Variants in CNTRL observed in about 807,000 individuals in gnomAD.
The protein encoded by CNTRL is 110 kDa centrosomal protein.
Under a neutral mutation model 303.7 loss-of-function variants are expected in CNTRL, and 233 were observed. The observed-to-expected ratio is 0.77, with a 90% CI of 0.69 to 0.86. The LOEUF (loss-of-function observed/expected upper bound fraction) is 0.86, where lower values mean the gene tolerates loss of function less well. Among genes scored for constraint, CNTRL ranks in the 40% least tolerant of loss-of-function variants. The probability of loss-of-function intolerance (pLI) is 0.00; values close to 1 mark genes in which losing one functional copy is unlikely to be tolerated. For synonymous variants in CNTRL, 900 were observed against 922.2 expected (o/e 0.98, Z 0.44); for missense variants, 2,524 against 2,650.6 (o/e 0.95, Z 1.05).
At chr9:121,137,086 C>T (rs1187270412) in intron 15 of CNTRL, among the ~76,000 whole-genome samples, 2 of 151,968 alleles carry the variant, frequency 1.3e-5, no homozygotes, top group Non-Finnish European at 2.9e-5. Context: ...ATGCCAGGAG[C>T]AGGGAGAGGA....
chr9:121,115,090 G>A lies in CNTRL; in HGVS notation c.1346-1G>A. The A allele has an allele frequency of 6.4e-7, 1 of 1,573,750 alleles. No individual in the cohort carries two copies. On this transcript the variant is annotated splice_acceptor_variant, in intron 10 of 43. Coordinates refer to ENST00000373855, the MANE Select transcript of CNTRL (RefSeq NM_007018.6). LOFTEE classifies it high-confidence loss of function. ...TGTGAGCATGGTTTTTAAATTTGCAGCACAAACTCGACTATCAGAACTGCA... is the reference window on the plus strand; with the variant it reads ...TGTGAGCATGGTTTTTAAATTTGCAACACAAACTCGACTATCAGAACTGCA...
At chr9:121,169,557 G>C in intron 38 of CNTRL, 54 bp from the exon 39 acceptor site, 1 of 1,562,622 alleles carries the variant, frequency 6.4e-7, no homozygotes, top group South Asian at 1.1e-5. Context: ...GGGGAGCTCT[G>C]CCCACAGCTG....
In CNTRL at chr9:121,141,557, G is replaced by C; in HGVS notation, c.2660G>C (p.Arg887Thr). Residue 887 changes from arginine to threonine, a missense_variant, in exon 18 of 44, where the codon AGG (arginine) becomes ACG (threonine). Arg to Thr is a moderately conservative substitution (Grantham distance 71). Transcript: ENST00000373855. ...EKLATGQEEF[R>T]QACERALEAR... ...CTGGCAACTGGACAAGAAGAGTTCAGGCAGGCCTGTGAGAGAGCCCTGGAA... is the reference window on the plus strand; with the variant it reads ...CTGGCAACTGGACAAGAAGAGTTCACGCAGGCCTGTGAGAGAGCCCTGGAA... The C allele has an allele frequency of 6.2e-7, 1 of 1,614,108 alleles. No individual in the cohort carries two copies. Among genetic ancestry groups the C allele is most frequent in the South Asian group, 1.1e-5 (1 of 91,088 alleles).
chr9:121,151,469 C>T lies in CNTRL; in HGVS notation c.3963+986C>T, dbSNP rs2052254867. ...GCGGTGGCGTGATCTTGGCTCACTGCAACCTCCGCCTCCCGGGTTCAGGCA... is the reference window on the plus strand; with the variant it reads ...GCGGTGGCGTGATCTTGGCTCACTGTAACCTCCGCCTCCCGGGTTCAGGCA... On this transcript the variant is annotated intron_variant, in intron 25 of 43. Coordinates refer to ENST00000373855, the MANE Select transcript of CNTRL (RefSeq NM_007018.6). 2.9e-5 allele frequency among the ~76,000 whole-genome samples: 4 copies of T among 138,386 alleles called. No homozygotes were observed. The South Asian group carries it at 1.0e-3, about 35-fold the overall frequency. The allele number at this position is 138,386 out of a possible 152,430, so 90.8% of individuals were successfully genotyped here. A position where few individuals can be genotyped will look rare whatever the true frequency, so the allele number is the denominator to read the frequency against.
At chr9:121,124,165 A>T in intron 13 of CNTRL, 81 bp downstream of exon 13, 1 of 1,242,050 alleles carries the variant, frequency 8.1e-7, no homozygotes, top group South Asian at 1.7e-5. Flanking sequence ...ATTAATCCAG[A>T]TAGTAGCTAA....
Position 121,150,485 on chromosome 9 carries a change from TA to T in CNTRL, c.3963+4del. On this transcript the variant is annotated splice_donor_region_variant and intron_variant, in intron 25 of 43. Transcript: ENST00000373855. ...AACGTCCCTGAACACCATAACTTAG[TA>T]AGTGGAAAGACATACAACTCTCTTT... 6.2e-7 allele frequency: 1 copy of T among 1,613,586 alleles called. No homozygotes were observed. Among genetic ancestry groups the T allele is most frequent in the South Asian group, 1.1e-5 (1 of 91,064 alleles).
At chr9:121,079,928 A>G (rs928499833) in intron 1 of CNTRL, among the ~76,000 whole-genome samples, 2 of 151,976 alleles carry the variant, frequency 1.3e-5, no homozygotes, top group Non-Finnish European at 2.9e-5. Flanking sequence ...CAGGGGCACG[A>G]TCTTGGCTCA....
intron 14 of CNTRL, 52 bp downstream of exon 14, chr9:121,125,988 C>A: frequency 1.4e-6 from 2 of 1,451,448 alleles, no homozygotes; most frequent in African/African-American, 1.4e-5. Flanking sequence ...AGATAATGTC[C>A]AAATTAAGTT....
At chr9:121,127,854 C>G (rs1368630421) in intron 14 of CNTRL, among the ~76,000 whole-genome samples, 2 of 135,070 alleles carry the variant, frequency 1.5e-5, no homozygotes, top group Admixed American at 8.4e-5. Flanking sequence ...TCCAAGTGTT[C>G]TCATTATTCA....
At chr9:121,171,317 G>A in intron 39 of CNTRL, 91 bp from the exon 40 acceptor site, 1 of 1,402,190 alleles carries the variant, frequency 7.1e-7, no homozygotes, top group Non-Finnish European at 1.0e-6. Flanking sequence ...CCCAGAAGGG[G>A]AATGAAGTTA....
chr9:121,089,833 T>G (rs906014928), intron 3 of CNTRL, among the ~76,000 whole-genome samples: 4 of 152,170 alleles, frequency 2.6e-5, no homozygotes, highest in Non-Finnish European at 2.9e-5. Flanking sequence ...AAATGATTTT[T>G]TTTAGTAAGT....
At chr9:121,169,507 A>G (rs1010244638) in intron 38 of CNTRL, 104 bp from the exon 39 acceptor site, 27 of 1,092,444 alleles carry the variant, frequency 2.5e-5, no homozygotes, top group Admixed American at 2.5e-4. Flanking sequence ...AAGCACCTGC[A>G]TGGGTAGCAT....
intron 7 of CNTRL, among the ~76,000 whole-genome samples, chr9:121,103,851 G>A (rs989438236): frequency 2.6e-5 from 4 of 152,172 alleles, no homozygotes; most frequent in Non-Finnish European, 5.9e-5. Context: ...AGTTAGAATG[G>A]CAATCATTAA....
At chr9:121,173,836 T>C in intron 42 of CNTRL, 99 bp downstream of exon 42, 2 of 1,142,824 alleles carry the variant, frequency 1.8e-6, no homozygotes, top group Admixed American at 3.4e-5. Flanking sequence ...ACATCCATGC[T>C]GTTGCAGCCC....
In CNTRL at chr9:121,133,124, C is replaced by T. The variant is rs550144261; in HGVS notation, c.2026-2682C>T. Among the ~76,000 whole-genome samples the T allele has an allele frequency of 7.2e-5, 11 of 152,360 alleles. No individual in the cohort carries two copies. In the South Asian group the frequency reaches 8.3e-4, roughly 11 times the overall value. On this transcript the variant is annotated intron_variant, in intron 14 of 43. Coordinates refer to ENST00000373855, the MANE Select transcript of CNTRL (RefSeq NM_007018.6). ...GACCCACTTGAGGAGGCAGTCTGTC[C>T]GTTCTCTGAGCTCAAACACTGTGCT...
chr9:121,130,569 T>C (rs1220478750), intron 14 of CNTRL, among the ~76,000 whole-genome samples: 1 of 152,198 alleles, frequency 6.6e-6, no homozygotes, highest in Non-Finnish European at 1.5e-5. Flanking sequence ...TGTTGATCTT[T>C]TCAAAAAACC....
intron 7 of CNTRL, among the ~76,000 whole-genome samples, chr9:121,101,657 GACTA>G (rs2049174599): frequency 6.6e-6 from 1 of 151,960 alleles, no homozygotes; most frequent in South Asian, 2.1e-4. Context: ...CCCCTAGCAA[GACTA>G]ACAAAGAAGA....
intron 31 of CNTRL, 96 bp downstream of exon 31, chr9:121,159,115 AATTCCTGAAATC>A (rs2052730007): frequency 7.9e-7 from 1 of 1,265,286 alleles, no homozygotes; most frequent in African/African-American, 1.5e-5. Context: ...TGAAAATATA[AATTCCTGAAATC>A]TTGCCTCCTC....
chr9:121,152,396 T>A (rs2052325792), intron 25 of CNTRL, 89 bp from the exon 26 acceptor site: 2 of 1,094,158 alleles, frequency 1.8e-6, no homozygotes, highest in African/African-American at 3.1e-5. Flanking sequence ...GATACCACTT[T>A]AACCACAGTT....
Sources: allele counts gnomAD v4.1 joint callset (sites outside exome capture counted in the v4.1 genomes callset), GRCh38; gene constraint gnomAD v4.1.1; transcripts MANE v1.5; gene names NCBI Gene and HGNC (gene_info 2026-07-23, HGNC 2026-07-21).